Variants in DCDC1 observed in about 807,000 individuals in gnomAD.
DCDC1 encodes the protein doublecortin domain-containing protein 1.
A neutral mutation model predicts 178.3 loss-of-function variants in DCDC1; 200 were observed. The ratio of observed to expected loss-of-function variants is 1.12; its 90% CI spans 1.00 to 1.26. The LOEUF (loss-of-function observed/expected upper bound fraction) is 1.26, where lower values mean the gene tolerates loss of function less well. Ranked by LOEUF, DCDC1 falls within the 50% of genes most tolerant of loss-of-function variation. The pLI is 0.00. For missense variants in DCDC1, 1,983 were observed against 1,749.2 expected (o/e 1.13, Z -2.38); for synonymous variants, 690 against 604.8 (o/e 1.14, Z -2.07).
chr11:31,126,453 T>C (rs1961631390), intron 11 of DCDC1, among the ~76,000 whole-genome samples: 1 of 152,172 alleles, frequency 6.6e-6, no homozygotes, highest in Admixed American at 6.6e-5. Context: ...AGTCCATTTT[T>C]ACATTGTAAT....
intron 20 of DCDC1, among the ~76,000 whole-genome samples, chr11:30,987,805 AT>A (rs201949543): frequency 2.6e-5 from 4 of 151,010 alleles, no homozygotes; most frequent in East Asian, 1.9e-4. Context: ...GTTTTTTTGC[AT>A]TTTTTTTTCT....
intron 23 of DCDC1, among the ~76,000 whole-genome samples, chr11:30,923,153 G>C (rs1040242814): frequency 7.9e-5 from 12 of 152,086 alleles, no homozygotes; most frequent in African/African-American, 2.9e-4. Context: ...TTTGTGAGTA[G>C]AGTTTTATTA....
chr11:31,306,350 C>T lies in DCDC1; in HGVS notation c.473G>A (p.Arg158Gln), dbSNP rs770336113. 21 of 1,607,886 alleles carry T rather than the reference C, an allele frequency of 1.3e-5. No homozygotes were observed. The highest frequency in any genetic ancestry group is 3.3e-5 in the South Asian group (3 of 89,904). ...EFSSLKFQSA[R>Q]NWQKLSQRHK... is the part of the protein sequence containing the mutation. ...TCTTTGAGACAATTTCTGCCAATTC[C>T]GGGCTGACTGAAATTTTAAAGAAGA... Residue 158 changes from arginine to glutamine, a missense_variant, in exon 5 of 39, where the codon CGG becomes CAG. Transcript: ENST00000684477.
chr11:31,252,846 A>C (rs948646618), intron 8 of DCDC1, among the ~76,000 whole-genome samples: 1 of 152,090 alleles, frequency 6.6e-6, no homozygotes, highest in African/African-American at 2.4e-5. Flanking sequence ...AGCTGTCAGA[A>C]ATGGAACAAG....
Position 30,920,929 on chromosome 11 carries a change from A to G in DCDC1, c.3140T>C (p.Val1047Ala). The G allele has an allele frequency of 1.2e-6, 2 of 1,609,702 alleles. No homozygotes were observed. The highest frequency in any genetic ancestry group is 1.7e-6 in the Non-Finnish European group (2 of 1,177,692). Residue 1047 changes from valine (V) to alanine (A), a missense_variant, in exon 25 of 39, where the codon GTT becomes GCT. Val to Ala is a moderately conservative substitution (Grantham distance 64). Coordinates refer to ENST00000684477, the MANE Select transcript of DCDC1 (RefSeq NM_001387274.1). Reference protein sequence around the residue: ...FCSTHKIEALVLEVQSDIVSG... With the variant: ...FCSTHKIEALALEVQSDIVSG... ...TACAATGTCACTTTGGACTTCTAAA[A>G]CAAGAGCTGAGCAGAAATTCACAAA...
intron 36 of DCDC1, chr11:30,882,408 C>A (rs1329816229): frequency 6.6e-6 from 1 of 151,860 alleles, no homozygotes; most frequent in Non-Finnish European, 1.5e-5. Flanking sequence ...AGAGGACCAA[C>A]AGGAGAGTAG....
At chr11:31,233,354 A>T (rs1327151690) in intron 9 of DCDC1, among the ~76,000 whole-genome samples, 2 of 152,178 alleles carry the variant, frequency 1.3e-5, no homozygotes. Flanking sequence ...TTTGTCTCCA[A>T]AACAAGAAAG....
intron 15 of DCDC1, among the ~76,000 whole-genome samples, chr11:31,095,551 A>T (rs1958096588): frequency 6.6e-6 from 1 of 152,226 alleles, no homozygotes; most frequent in Non-Finnish European, 1.5e-5. Context: ...GAATGAAGAC[A>T]TCAAAGACAG....
intron 20 of DCDC1, among the ~76,000 whole-genome samples, chr11:30,961,813 T>C (rs932723923): frequency 6.6e-6 from 1 of 152,044 alleles, no homozygotes; most frequent in African/African-American, 2.4e-5. Context: ...ATGACTTACT[T>C]TGATGGAATT....
rs149596715 is a variant in DCDC1, at chr11:31,025,873, G to T, written c.2591+38596C>A. On this transcript the variant is annotated intron_variant, in intron 20 of 38. Coordinates refer to ENST00000684477, the MANE Select transcript of DCDC1 (RefSeq NM_001387274.1). ...TGTGTAATAATAATACAGCCAATCT[G>T]ATACATGGTGGCATATGGCACAGCA... is the stretch of plus-strand genomic sequence containing the variant. Among the ~76,000 whole-genome samples, 456 of 151,820 alleles carry T rather than the reference G, an allele frequency of 3.0e-3. 3 individuals carry two copies. The highest frequency in any genetic ancestry group is 0.01 in the African/African-American group (428 of 41,512).
intron 20 of DCDC1, among the ~76,000 whole-genome samples, chr11:30,957,630 CTT>C: frequency 6.6e-6 from 1 of 152,272 alleles, no homozygotes; most frequent in East Asian, 1.9e-4. Flanking sequence ...AGATCATCCT[CTT>C]TGCAACAGAA....
intron 8 of DCDC1, among the ~76,000 whole-genome samples, chr11:31,242,950 G>A (rs1050315197): frequency 6.6e-6 from 1 of 151,802 alleles, no homozygotes; most frequent in African/African-American, 2.4e-5. Context: ...ATAGTATAAA[G>A]TTAAGAGGAA....
intron 8 of DCDC1, among the ~76,000 whole-genome samples, chr11:31,244,291 T>C (rs1977556313): frequency 6.6e-6 from 1 of 151,782 alleles, no homozygotes; most frequent in African/African-American, 2.4e-5. Flanking sequence ...TAACTGGATG[T>C]GAATTAGTTA....
At chr11:31,296,396 T>G (rs1184802422) in intron 6 of DCDC1, among the ~76,000 whole-genome samples, 1 of 152,184 alleles carries the variant, frequency 6.6e-6, no homozygotes, top group African/African-American at 2.4e-5. Flanking sequence ...CAGTTTAAGA[T>G]CTTCCCTTAC....
In DCDC1 at chr11:30,881,216, G is replaced by A. The variant is rs772624411; in HGVS notation, c.5175C>T (p.Asp1725=). The change falls in exon 37 of 39, where the codon GAC becomes GAT. Residue 1725 remains aspartate (D), a synonymous_variant. Coordinates refer to ENST00000684477, the MANE Select transcript of DCDC1 (RefSeq NM_001387274.1). The stretch of plus-strand genomic sequence containing the variant: ...CACAGATGACCATATCTCGCTCTAT[G>A]TCGTCCCAGGACTGAATTGGCTCTC... The part of the protein sequence containing the change: ...PSGEPIQSWD[D]IERDMVICVS... 6.2e-7 allele frequency: 1 copy of A among 1,613,570 alleles called. No individual in the cohort carries two copies. Among genetic ancestry groups the A allele is most frequent in the East Asian group, 2.2e-5 (1 of 44,850 alleles).
intron 12 of DCDC1, among the ~76,000 whole-genome samples, chr11:31,108,598 G>A (rs1959003049): frequency 6.6e-6 from 1 of 152,202 alleles, no homozygotes; most frequent in Non-Finnish European, 1.5e-5. Context: ...AAGGAAATGT[G>A]TGTACAAAGA....
At chr11:30,912,542 C>G (rs939731276) in intron 27 of DCDC1, among the ~76,000 whole-genome samples, 1 of 152,178 alleles carries the variant, frequency 6.6e-6, no homozygotes, top group African/African-American at 2.4e-5. Flanking sequence ...CTCAGCCTCC[C>G]AAAGTGCTGG....
intron 11 of DCDC1, among the ~76,000 whole-genome samples, chr11:31,118,247 A>G (rs1294537001): frequency 6.6e-6 from 1 of 152,188 alleles, no homozygotes; most frequent in African/African-American, 2.4e-5. Flanking sequence ...ATTTCTTTAT[A>G]TCAAATATGC....
chr11:31,152,518 G>A (rs1420384884), intron 9 of DCDC1, among the ~76,000 whole-genome samples: 2 of 152,160 alleles, frequency 1.3e-5, no homozygotes. Context: ...GAGCATTTTG[G>A]GAAAATTCTC....
Sources: allele counts gnomAD v4.1 joint callset (sites outside exome capture counted in the v4.1 genomes callset), GRCh38; gene constraint gnomAD v4.1.1; transcripts MANE v1.5; gene names NCBI Gene and HGNC (gene_info 2026-07-23, HGNC 2026-07-21).